The following GTF3C1 variants were observed in gnomAD, a reference collection of about 807,000 sequenced individuals.
GTF3C1 encodes the protein general transcription factor IIIC subunit 1, also known as general transcription factor 3C polypeptide 1.
GTF3C1 carries 57 observed loss-of-function variants against 226.7 expected under a neutral mutation model. The observed-to-expected ratio is 0.25, with a 90% CI of 0.20 to 0.31. The LOEUF (loss-of-function observed/expected upper bound fraction) is 0.31, where lower values mean the gene tolerates loss of function less well. Among genes scored for constraint, GTF3C1 ranks in the 10% least tolerant of loss-of-function variants. The probability of loss-of-function intolerance (pLI) is 1.00; values close to 1 mark genes in which losing one functional copy is unlikely to be tolerated. For synonymous variants in GTF3C1, 1,090 were observed against 1,084.8 expected (o/e 1.00, Z -0.09); for missense variants, 2,217 against 2,776.1 (o/e 0.80, Z 4.53).
At chr16:27,511,360 G>A (rs1207175995) in intron 7 of GTF3C1, among the ~76,000 whole-genome samples, 3 of 152,248 alleles carry the variant, frequency 2.0e-5, no homozygotes, top group East Asian at 1.9e-4. Context: ...CCCTAGTTCT[G>A]ACGCTTCCCT....
In GTF3C1 at chr16:27,488,419, G is replaced by C; in HGVS notation, c.3512-4C>G. ...CAAATATTCAACCTGCTGTTGCCTA[G>C]ACATAATCACAGGAGACAACAGTTT... On this transcript the variant is annotated splice_polypyrimidine_tract_variant and splice_region_variant and intron_variant, in intron 22 of 36. Coordinates refer to ENST00000356183, the MANE Select transcript of GTF3C1 (RefSeq NM_001520.4). The C allele has an allele frequency of 6.2e-7, 1 of 1,605,952 alleles. No individual in the cohort carries two copies. Among genetic ancestry groups the C allele is most frequent in the Non-Finnish European group, 8.5e-7 (1 of 1,172,626 alleles).
At position 27,493,267 on chromosome 16, in the gene GTF3C1, G is replaced by A. The variant is rs764670911; in HGVS notation, c.2808C>T (p.Asp936=). Reference sequence around the variant, plus strand: ...GGATCAGCGTGTGCTTCTTCAGCGGGTCGTTCAGAAATTCCTCCAGGTTGT... The same window carrying A: ...GGATCAGCGTGTGCTTCTTCAGCGGATCGTTCAGAAATTCCTCCAGGTTGT... ...KVDNLEEFLN[D]PLKKHTLIRF... The change falls in exon 17 of 37, where the codon GAC becomes GAT. Residue 936 remains aspartate (D), a synonymous_variant. Coordinates refer to ENST00000356183, the MANE Select transcript of GTF3C1 (RefSeq NM_001520.4). 12 of 1,610,502 alleles carry A rather than the reference G, an allele frequency of 7.5e-6. No individual in the cohort carries two copies. In the South Asian group the frequency reaches 1.3e-4, roughly 18 times the overall value.
intron 5 of GTF3C1, among the ~76,000 whole-genome samples, chr16:27,529,306 G>A (rs972288474): frequency 4.6e-5 from 7 of 152,054 alleles, no homozygotes; most frequent in South Asian, 2.1e-4. Flanking sequence ...AGCTGGGTGC[G>A]GTGGCATATG....
At chr16:27,488,728 G>T (rs1456782886) in intron 21 of GTF3C1, 93 bp from the exon 22 acceptor site, 2 of 1,074,588 alleles carry the variant, frequency 1.9e-6, no homozygotes, top group Non-Finnish European at 2.8e-6. Flanking sequence ...TCTTAGGAAG[G>T]TAAGGGCCGC....
At position 27,489,704 on chromosome 16, in the gene GTF3C1, GTGC is replaced by G. The variant is rs761251491; in HGVS notation, c.3188_3190del (p.Ser1063del). 7 of 1,612,186 alleles carry G rather than the reference GTGC, an allele frequency of 4.3e-6. No individual in the cohort carries two copies. The highest frequency in any genetic ancestry group is 5.9e-6 in the Non-Finnish European group (7 of 1,179,758). Reference sequence around the variant, plus strand: ...GCCCTCCTCGTCGCTGCCCTGGTCTGTGCTGCTGTTCTTCCTGACGCGCGGGCA... The same window carrying G: ...GCCCTCCTCGTCGCTGCCCTGGTCTGTGCTGTTCTTCCTGACGCGCGGGCA... On this transcript the variant is annotated inframe_deletion, in exon 20 of 37. Transcript: ENST00000356183.
intron 34 of GTF3C1, chr16:27,464,032 C>T (rs1356131438): frequency 4.5e-6 from 2 of 443,106 alleles, no homozygotes; most frequent in Non-Finnish European, 7.9e-6. Flanking sequence ...CATGCCATCA[C>T]TGCCCCACAG....
intron 5 of GTF3C1, among the ~76,000 whole-genome samples, chr16:27,531,467 CCT>C (rs1445713746): frequency 2.6e-5 from 4 of 152,232 alleles, no homozygotes; most frequent in African/African-American, 9.6e-5. Context: ...AGAAAGCACC[CCT>C]TTCCCTCTAC....
intron 10 of GTF3C1, among the ~76,000 whole-genome samples, chr16:27,503,365 T>C (rs1460063287): frequency 1.3e-5 from 2 of 152,224 alleles, no homozygotes; most frequent in Non-Finnish European, 2.9e-5. Flanking sequence ...TGCCAAGTAT[T>C]GTTGGGCTTT....
chr16:27,467,339 G>C (rs1371601884), intron 32 of GTF3C1, among the ~76,000 whole-genome samples: 1 of 152,216 alleles, frequency 6.6e-6, no homozygotes, highest in African/African-American at 2.4e-5. Flanking sequence ...CTGGATGACA[G>C]CACATCTGTT....
At chr16:27,529,979 G>A (rs2088890833) in intron 5 of GTF3C1, among the ~76,000 whole-genome samples, 2 of 152,176 alleles carry the variant, frequency 1.3e-5, no homozygotes, top group Admixed American at 1.3e-4. Context: ...TTTTGCTTGT[G>A]GGTATCACCC....
chr16:27,466,070 CCCAGT>C (rs1447736433), intron 32 of GTF3C1: 1 of 154,828 alleles, frequency 6.5e-6, no homozygotes. Flanking sequence ...TACATTTTTG[CCCAGT>C]CCAAACTCCA....
intron 32 of GTF3C1, among the ~76,000 whole-genome samples, chr16:27,467,727 G>A (rs544391138): frequency 7.2e-5 from 11 of 152,140 alleles, no homozygotes; most frequent in South Asian, 4.2e-4. Flanking sequence ...AAAATTAGCC[G>A]GGTGTGTTGG....
chr16:27,515,475 A>AC (rs1208320978), intron 6 of GTF3C1, among the ~76,000 whole-genome samples: 1 of 151,804 alleles, frequency 6.6e-6, no homozygotes, highest in East Asian at 1.9e-4. Flanking sequence ...CAAAAAAAAA[A>AC]AACAAAAAAA....
chr16:27,461,796 C>G lies in GTF3C1; in HGVS notation c.6118-234G>C, dbSNP rs915118987. 1 of 545,624 alleles carries G rather than the reference C, an allele frequency of 1.8e-6. No individual in the cohort carries two copies. Among genetic ancestry groups the G allele is most frequent in the Non-Finnish European group, 3.3e-6 (1 of 304,542 alleles). The allele number at this position is 545,624 out of a possible 1,614,324, so 33.8% of individuals were successfully genotyped here. ...TGTACAGCGCTGGCTGGAGCCACCA[C>G]GCTGAATCTCATTTGTGGAGGAGAG... On this transcript the variant is annotated intron_variant, in intron 36 of 36. Coordinates refer to ENST00000356183, the MANE Select transcript of GTF3C1 (RefSeq NM_001520.4). The surrounding 1 kb of genome is among the most constrained non-coding windows in gnomAD (Gnocchi z 5.3).
At position 27,511,755 on chromosome 16, in the gene GTF3C1, C is replaced by T. The variant is rs1010005506; in HGVS notation, c.1120G>A (p.Asp374Asn). The T allele has an allele frequency of 1.9e-6, 3 of 1,614,114 alleles. No individual in the cohort carries two copies. The highest frequency in any genetic ancestry group is 1.1e-5 in the South Asian group (1 of 91,066). The change falls in exon 7 of 37, where the codon GAC becomes AAC. Residue 374 changes from aspartate to asparagine, a missense_variant. Around this residue, in one of 12 missense-constraint regions of GTF3C1, gnomAD observed 163 missense variants for 234.3 expected, o/e 0.70. Transcript: ENST00000356183. ...FERDMLTQTY[D>N]LIERRGTKGI... ...GCATGGGAACAAGACTTACTGAGGT[C>T]GTAGGTCTGTGTGAGCATATCCCGC...
intron 6 of GTF3C1, among the ~76,000 whole-genome samples, chr16:27,518,877 T>C (rs2088702772): frequency 6.6e-6 from 1 of 152,200 alleles, no homozygotes; most frequent in African/African-American, 2.4e-5. Context: ...TAGAATAAGC[T>C]GGTAGTAAGG....
chr16:27,505,977 C>A lies in GTF3C1; in HGVS notation c.1692G>T (p.Val564=), dbSNP rs749003127. The change falls in exon 10 of 37, where the codon GTG becomes GTT. Residue 564 remains valine (V), a synonymous_variant. Transcript: ENST00000356183. ...TGTCCGCACAGTGGGAGACAAAGGACACGTTGGGTTCTGAGACGCTGCTGG... is the reference window on the plus strand; with the variant it reads ...TGTCCGCACAGTGGGAGACAAAGGAAACGTTGGGTTCTGAGACGCTGCTGG... ...LDTSSVSEPN[V]SFVSHCADSN... 1 of 1,613,564 alleles carries A rather than the reference C, an allele frequency of 6.2e-7. No homozygotes were observed. The highest frequency in any genetic ancestry group is 8.5e-7 in the Non-Finnish European group (1 of 1,179,440).
Position 27,469,140 on chromosome 16 carries a change from G to A in GTF3C1, c.5074+151C>T. ...ACCTGGGGAAGGCATCCCTTGAGTT[G>A]GCTGCAAGGATGGGGTGTGTTTTTC... is the stretch of plus-strand genomic sequence containing the variant. On this transcript the variant is annotated intron_variant, in intron 32 of 36. Coordinates refer to ENST00000356183, the MANE Select transcript of GTF3C1 (RefSeq NM_001520.4). This position sits in a 1 kb window ranked among gnomAD's most constrained non-coding sequence, Gnocchi z 4.5. 1 of 787,022 alleles carries A rather than the reference G, an allele frequency of 1.3e-6. No individual in the cohort carries two copies. The highest frequency in any genetic ancestry group is 1.9e-5 in the South Asian group (1 of 53,744). The allele number at this position is 787,022 out of a possible 1,614,324, so 48.8% of individuals were successfully genotyped here. A position where few individuals can be genotyped will look rare whatever the true frequency, so the allele number is the denominator to read the frequency against.
intron 2 of GTF3C1, among the ~76,000 whole-genome samples, chr16:27,538,786 G>C (rs372343663): frequency 1.5e-4 from 23 of 152,062 alleles, no homozygotes; most frequent in African/African-American, 3.6e-4. Context: ...CTGTTTCCTC[G>C]GCCTGGCTGC....
Sources: allele counts gnomAD v4.1 joint callset (sites outside exome capture counted in the v4.1 genomes callset), GRCh38; gene constraint gnomAD v4.1.1; regional missense constraint gnomAD v4.1.1; non-coding constraint Gnocchi (gnomAD v3.1); transcripts MANE v1.5; gene names NCBI Gene and HGNC (gene_info 2026-07-23, HGNC 2026-07-21).